SLC22A23: variants seen among roughly 807,000 people sequenced by gnomAD.
SLC22A23 encodes solute carrier family 22 member 23.
Under a neutral mutation model 61.0 loss-of-function variants are expected in SLC22A23, and 26 were observed. That is an observed-to-expected ratio of 0.43 (90% CI 0.31 to 0.59). SLC22A23 has a LOEUF of 0.59. Ranked by LOEUF, SLC22A23 falls within the 20% of genes least tolerant of loss-of-function variation. The probability of loss-of-function intolerance (pLI) is 0.11; values close to 1 mark genes in which losing one functional copy is unlikely to be tolerated. For synonymous variants in SLC22A23, 430 were observed against 413.9 expected (o/e 1.04, Z -0.47); for missense variants, 796 against 934.7 (o/e 0.85, Z 1.94).
intron 1 of SLC22A23, chr6:3,439,432 G>A (rs1414154104): frequency 2.1e-5 from 8 of 374,714 alleles, no homozygotes; most frequent in South Asian, 1.2e-4. Context: ...CCCGTTCCAC[G>A]TGAAGAAAAG....
intron 3 of SLC22A23, among the ~76,000 whole-genome samples, chr6:3,373,603 G>T (rs1407389938): frequency 6.6e-6 from 1 of 151,000 alleles, no homozygotes; most frequent in East Asian, 1.9e-4. Flanking sequence ...TAAATCAAAA[G>T]AAGAAGCTGG....
chr6:3,352,270 T>C (rs955590145), intron 3 of SLC22A23, among the ~76,000 whole-genome samples: 6 of 121,332 alleles, frequency 4.9e-5, no homozygotes, highest in Admixed American at 3.8e-4. Flanking sequence ...CACACAGACA[T>C]GCACACACAC....
At chr6:3,408,500 G>A (rs920740978) in intron 3 of SLC22A23, among the ~76,000 whole-genome samples, 1 of 152,166 alleles carries the variant, frequency 6.6e-6, no homozygotes, top group African/African-American at 2.4e-5. Flanking sequence ...GCAAATGCCA[G>A]TTACACAGGT....
chr6:3,280,109 T>C (rs1397053524), intron 9 of SLC22A23, among the ~76,000 whole-genome samples: 1 of 152,194 alleles, frequency 6.6e-6, no homozygotes, highest in Non-Finnish European at 1.5e-5. Context: ...CCATTTTTTA[T>C]AGAAATAAAT....
chr6:3,336,099 A>AAT (rs1296629019), intron 3 of SLC22A23, among the ~76,000 whole-genome samples: 1 of 151,996 alleles, frequency 6.6e-6, no homozygotes, highest in Non-Finnish European at 1.5e-5. Flanking sequence ...AAAAAAAAAA[A>AAT]AAGAGAGAAA....
intron 9 of SLC22A23, among the ~76,000 whole-genome samples, chr6:3,280,641 G>A (rs12178148): frequency 0.81 from 122,263 of 150,768 alleles, 51,138 homozygotes; most frequent in Non-Finnish European, 0.92. Flanking sequence ...GACTACAGGC[G>A]CCCGCCACCA....
chr6:3,440,569 C>T (rs1051325915), intron 1 of SLC22A23, among the ~76,000 whole-genome samples: 4 of 151,728 alleles, frequency 2.6e-5, no homozygotes, highest in South Asian at 2.1e-4. Context: ...TAGCTGGGCA[C>T]GGTGGCGGGC....
At position 3,390,854 on chromosome 6, in the gene SLC22A23, G is replaced by A. The variant is rs1222379710; in HGVS notation, c.913+19334C>T. 6.6e-6 allele frequency among the ~76,000 whole-genome samples: 1 copy of A among 152,204 alleles called. No individual in the cohort carries two copies. Among genetic ancestry groups the A allele is most frequent in the East Asian group, 1.9e-4 (1 of 5,198 alleles). ...CAAACCACTGGCTTCCAATGCGGAA[G>A]CTGGAGTTCTGCCCAGAAGCCGCAC... On this transcript the variant is annotated intron_variant, in intron 3 of 9. Transcript: ENST00000406686. This position sits in a 1 kb window ranked among gnomAD's most constrained non-coding sequence, Gnocchi z 4.0.
At chr6:3,376,489 C>T (rs1766577138) in intron 3 of SLC22A23, among the ~76,000 whole-genome samples, 1 of 152,112 alleles carries the variant, frequency 6.6e-6, no homozygotes, top group Non-Finnish European at 1.5e-5. Context: ...CAGAATGTGC[C>T]TTCTTGTCCT....
intron 3 of SLC22A23, among the ~76,000 whole-genome samples, chr6:3,403,064 G>C (rs1768539920): frequency 6.6e-6 from 1 of 152,000 alleles, no homozygotes; most frequent in Non-Finnish European, 1.5e-5. Context: ...ATTTCTCTCT[G>C]TGCTCTCAGC....
rs1022251534 is a variant in SLC22A23, at chr6:3,289,846, G to A, written c.1231C>T (p.Arg411Trp). The A allele has an allele frequency of 6.2e-6, 10 of 1,613,978 alleles. No individual in the cohort carries two copies. Among genetic ancestry groups the A allele is most frequent in the African/African-American group, 2.7e-5 (2 of 75,042 alleles). ...VIPELEKELS[R>W]RPKKVCIVKV... ...ACGATGCAGACCTTCTTGGGCCTCC[G>A]GGAAAGCTCTTTCTCCAGCTCTGCA... The change falls in exon 6 of 10, where the codon CGG becomes TGG. Residue 411 changes from arginine to tryptophan, a missense_variant. Transcript: ENST00000406686.
Position 3,387,624 on chromosome 6 carries a change from C to T in SLC22A23, c.913+22564G>A, listed in dbSNP as rs964621630. ...ACCGTAGCGTGGTTATGTGAGTTCA[C>T]GTTAGCGGAAGGCGGGTGAGTGAAG... On this transcript the variant is annotated intron_variant, in intron 3 of 9. Transcript: ENST00000406686. The surrounding 1 kb of genome is among the most constrained non-coding windows in gnomAD (Gnocchi z 5.0). 5.3e-5 allele frequency among the ~76,000 whole-genome samples: 8 copies of T among 152,204 alleles called. No homozygotes were observed. Among genetic ancestry groups the T allele is most frequent in the Non-Finnish European group, 1.2e-4 (8 of 68,032 alleles).
chr6:3,316,309 G>A (rs1762638279), intron 4 of SLC22A23, among the ~76,000 whole-genome samples: 1 of 152,236 alleles, frequency 6.6e-6, no homozygotes, highest in African/African-American at 2.4e-5. Flanking sequence ...TCCAGGAAGA[G>A]CTAAGGAATT....
At chr6:3,388,289 T>C (rs1288172401) in intron 3 of SLC22A23, among the ~76,000 whole-genome samples, 2 of 151,548 alleles carry the variant, frequency 1.3e-5, no homozygotes, top group African/African-American at 2.4e-5. Context: ...AGAAATGCAA[T>C]AAAATGCAAT....
chr6:3,432,385 T>C, intron 1 of SLC22A23: 1 of 985,528 alleles, frequency 1.0e-6, no homozygotes, highest in Non-Finnish European at 1.2e-6. Flanking sequence ...AATTCTGAAA[T>C]TGCTTTTGCA....
rs2127563040 is a variant in SLC22A23 at position 3,456,580 on chromosome 6, G to A, written c.-21C>T. The A allele has an allele frequency of 4.1e-6, 4 of 982,396 alleles. No individual in the cohort carries two copies. Among genetic ancestry groups the A allele is most frequent in the South Asian group, 9.3e-5 (2 of 21,496 alleles). 60.9% of individuals were successfully genotyped at this position (982,396 alleles called of 1,614,324 possible). On this transcript the variant is annotated 5_prime_UTR_variant, in exon 1 of 10. Coordinates refer to ENST00000406686, the MANE Select transcript of SLC22A23 (RefSeq NM_015482.2). The surrounding 1 kb of genome is among the most constrained non-coding windows in gnomAD (Gnocchi z 7.1). ...GCCATGGCCCGGGCCCGCGGCTCCC[G>A]CAGAGGCGCATAGAGCGCGGCGGAG...
intron 3 of SLC22A23, among the ~76,000 whole-genome samples, chr6:3,361,207 A>G (rs1364271000): frequency 6.6e-6 from 1 of 151,938 alleles, no homozygotes; most frequent in East Asian, 1.9e-4. Flanking sequence ...TCTACTGAAA[A>G]AAAAGAGAGG....
chr6:3,404,939 C>A (rs1205741777), intron 3 of SLC22A23, among the ~76,000 whole-genome samples: 1 of 150,172 alleles, frequency 6.7e-6, no homozygotes, highest in Non-Finnish European at 1.5e-5. Context: ...TCAGTAAAAT[C>A]AAAATTCCTT....
At chr6:3,274,692 A>G (rs560362839) in intron 9 of SLC22A23, among the ~76,000 whole-genome samples, 25 of 152,376 alleles carry the variant, frequency 1.6e-4, no homozygotes, top group African/African-American at 5.8e-4. Flanking sequence ...ACAAAAGTCA[A>G]TTATATGTCT....
Sources: gnomAD v4.1 joint callset for allele counts (sites outside exome capture counted in the v4.1 genomes callset) on GRCh38, gnomAD v4.1.1 for gene constraint, Gnocchi (gnomAD v3.1) non-coding constraint, MANE v1.5 for transcripts, NCBI Gene and HGNC (gene_info 2026-07-23, HGNC 2026-07-21) for gene names.